Variants in ITGA1 observed in about 807,000 individuals in gnomAD.
ITGA1 encodes the protein integrin subunit alpha 1, also known as integrin alpha-1.
In ITGA1, 85 loss-of-function variants were observed where a neutral mutation model predicts 145.9. The observed-to-expected ratio is 0.58, with a 90% confidence interval of 0.49 to 0.70. The LOEUF is 0.70. ITGA1 is among the 30% of genes least tolerant of loss of function. The pLI is 0.00. For missense variants in ITGA1, 1,351 were observed against 1,418.7 expected, an observed-to-expected ratio of 0.95 and a Z score of 0.77; for synonymous variants, 520 against 495.3, an observed-to-expected ratio of 1.05 and a Z score of -0.66.
chr5:52,862,148 G>A (rs1450201364), intron 3 of ITGA1, among the ~76,000 whole-genome samples: 1 of 149,576 alleles, frequency 6.7e-6, no homozygotes, highest in East Asian at 2.0e-4. Context: ...AACCTGGGAG[G>A]CAGAGGTTGT....
At chr5:52,940,431 C>A (rs1278076043) in intron 26 of ITGA1, among the ~76,000 whole-genome samples, 2 of 141,564 alleles carry the variant, frequency 1.4e-5, no homozygotes, top group African/African-American at 5.3e-5. Context: ...TTTTTTGAGA[C>A]GGAGTGTCTC....
intron 1 of ITGA1, among the ~76,000 whole-genome samples, chr5:52,841,512 T>A (rs1381977743): frequency 6.6e-6 from 1 of 152,210 alleles, no homozygotes; most frequent in Non-Finnish European, 1.5e-5. Flanking sequence ...TATAGAGTTT[T>A]TGGATTCAGT....
chr5:52,870,181 AT>A (rs1749756412), intron 6 of ITGA1, among the ~76,000 whole-genome samples: 1 of 152,156 alleles, frequency 6.6e-6, no homozygotes, highest in South Asian at 2.1e-4. Flanking sequence ...ATTTAAATCC[AT>A]TTGATTTGTT....
chr5:52,927,750 A>G (rs766890290), intron 20 of ITGA1, 86 bp downstream of exon 20: 23 of 866,646 alleles, frequency 2.7e-5, no homozygotes, highest in Non-Finnish European at 3.9e-5. Flanking sequence ...TTCCAATGGT[A>G]GTTTAGGATA....
intron 19 of ITGA1, 56 bp from the exon 20 acceptor site, chr5:52,927,528 C>G: frequency 8.2e-7 from 1 of 1,214,190 alleles, no homozygotes; most frequent in Admixed American, 1.8e-5. Context: ...TGAAAGAACA[C>G]GTATCAATAT....
chr5:52,838,304 T>C (rs1406610343), intron 1 of ITGA1, among the ~76,000 whole-genome samples: 4 of 152,144 alleles, frequency 2.6e-5, no homozygotes, highest in East Asian at 3.8e-4. Context: ...TTACATACCA[T>C]AGGAAAATCA....
intron 28 of ITGA1, among the ~76,000 whole-genome samples, chr5:52,949,866 T>C (rs774717366): frequency 2.6e-4 from 39 of 151,654 alleles, no homozygotes; most frequent in Non-Finnish European, 5.2e-4. Context: ...ATCTTTTTTA[T>C]TCTAACTAGA....
intron 1 of ITGA1, chr5:52,802,552 TCTC>T (rs1394010717): frequency 6.6e-5 from 10 of 152,194 alleles, no homozygotes; most frequent in African/African-American, 2.4e-4. Flanking sequence ...GTCAAAATAA[TCTC>T]CTTGAGGCAT....
chr5:52,851,281 A>G (rs1214725710), intron 2 of ITGA1, among the ~76,000 whole-genome samples: 1 of 152,192 alleles, frequency 6.6e-6, no homozygotes, highest in East Asian at 1.9e-4. Flanking sequence ...CCTTAATTAT[A>G]TGAATGAACC....
chr5:52,822,398 C>T (rs904339662), intron 1 of ITGA1, among the ~76,000 whole-genome samples: 6 of 152,340 alleles, frequency 3.9e-5, no homozygotes, highest in Middle Eastern at 3.4e-3. Context: ...CAGTCCTCAT[C>T]CAACCAGTTG....
At chr5:52,944,153 A>G (rs771216653) in intron 26 of ITGA1, among the ~76,000 whole-genome samples, 1 of 152,086 alleles carries the variant, frequency 6.6e-6, no homozygotes, top group Non-Finnish European at 1.5e-5. Flanking sequence ...ATGGGCACCT[A>G]TGTCTGTGCT....
At chr5:52,917,595 A>G (rs2111867359) in intron 15 of ITGA1, among the ~76,000 whole-genome samples, 1 of 152,332 alleles carries the variant, frequency 6.6e-6, no homozygotes, top group African/African-American at 2.4e-5. Context: ...ATTAAAAATA[A>G]TGTTCTCAGA....
intron 22 of ITGA1, 46 bp from the exon 23 acceptor site, chr5:52,933,848 G>A (rs1208553385): frequency 1.0e-6 from 1 of 979,238 alleles, no homozygotes; most frequent in South Asian, 1.9e-5. Flanking sequence ...CCAAATAAAA[G>A]TTAAACTTTG....
intron 3 of ITGA1, among the ~76,000 whole-genome samples, chr5:52,861,847 G>A (rs1749609506): frequency 1.4e-5 from 2 of 143,046 alleles, no homozygotes; most frequent in Non-Finnish European, 3.0e-5. Context: ...TCCAGCCTGG[G>A]TGACAGAGTG....
chr5:52,935,171 T>C (rs1268742322), intron 23 of ITGA1, among the ~76,000 whole-genome samples: 4 of 152,074 alleles, frequency 2.6e-5, no homozygotes, highest in African/African-American at 9.7e-5. Context: ...CATAAAACTT[T>C]GTGTGTATCT....
At chr5:52,806,937 G>T (rs140403715) in intron 1 of ITGA1, among the ~76,000 whole-genome samples, 1 of 152,140 alleles carries the variant, frequency 6.6e-6, no homozygotes, top group Non-Finnish European at 1.5e-5. Context: ...ATATGGGAAG[G>T]TCTTAAATTT....
At chr5:52,863,858 G>A (rs948050366) in intron 3 of ITGA1, 1 of 152,084 alleles carries the variant, frequency 6.6e-6, no homozygotes, top group Non-Finnish European at 1.5e-5. Context: ...GCATACAATC[G>A]CCCAGCTCTA....
intron 9 of ITGA1, among the ~76,000 whole-genome samples, chr5:52,894,627 A>C (rs577546251): frequency 6.6e-6 from 1 of 152,278 alleles, no homozygotes; most frequent in African/African-American, 2.4e-5. Context: ...CTTTTCTCCA[A>C]CTAGGGAGAG....
At chr5:52,791,264 G>A (rs1748233086) in intron 1 of ITGA1, among the ~76,000 whole-genome samples, 2 of 152,158 alleles carry the variant, frequency 1.3e-5, no homozygotes, top group African/African-American at 2.4e-5. Flanking sequence ...AGAAAAGAGG[G>A]TGGAGCATCT....
Sources: gnomAD v4.1 joint callset for allele counts (sites outside exome capture counted in the v4.1 genomes callset) on GRCh38, gnomAD v4.1.1 for gene constraint, MANE v1.5 for transcripts, NCBI Gene and HGNC (gene_info 2026-07-23, HGNC 2026-07-21) for gene names.